JAKMIP1: variants seen among roughly 807,000 people sequenced by gnomAD.
The protein encoded by JAKMIP1 is janus kinase and microtubule-interacting protein 1.
In JAKMIP1, 33 loss-of-function variants were observed where a neutral mutation model predicts 113.0. The ratio of observed to expected loss-of-function variants is 0.29; its 90% CI spans 0.22 to 0.39. JAKMIP1 has a LOEUF of 0.39. Among genes scored for constraint, JAKMIP1 ranks in the 10% least tolerant of loss-of-function variants. The probability of loss-of-function intolerance (pLI) is 1.00; values close to 1 mark genes in which losing one functional copy is unlikely to be tolerated. For synonymous variants in JAKMIP1, 480 were observed against 459.9 expected (o/e 1.04, Z -0.56); for missense variants, 813 against 1,080.5 (o/e 0.75, Z 3.47).
At chr4:6,103,972 G>T (rs1016786039) in intron 3 of JAKMIP1, among the ~76,000 whole-genome samples, 10 of 152,018 alleles carry the variant, frequency 6.6e-5, no homozygotes, top group African/African-American at 2.4e-4. Context: ...ACTGCTTCTT[G>T]CTCTTTAAAA....
intron 1 of JAKMIP1, among the ~76,000 whole-genome samples, chr4:6,170,997 C>T (rs2109022485): frequency 7.0e-6 from 1 of 143,156 alleles, no homozygotes; most frequent in East Asian, 2.0e-4. Flanking sequence ...CATTGCCACC[C>T]TTACCACCAC....
chr4:6,041,254 T>C (rs1277079711), intron 17 of JAKMIP1, among the ~76,000 whole-genome samples: 1 of 152,198 alleles, frequency 6.6e-6, no homozygotes, highest in Non-Finnish European at 1.5e-5. Flanking sequence ...GTTTCAGGGT[T>C]AGAATTCATC....
chr4:6,044,998 G>C lies in JAKMIP1; in HGVS notation c.2029-2771C>G, dbSNP rs1335958556. On this transcript the variant is annotated intron_variant, in intron 16 of 20. Transcript: ENST00000409021. This position sits in a 1 kb window ranked among gnomAD's most constrained non-coding sequence, Gnocchi z 4.4. ...TGCTGATGAACTGAGCAGCCTCATG[G>C]GGGCAGCATGCTGCAGGGTGGGGGC... 6.6e-6 allele frequency among the ~76,000 whole-genome samples: 1 copy of C among 152,232 alleles called. No homozygotes were observed. The highest frequency in any genetic ancestry group is 1.5e-5 in the Non-Finnish European group (1 of 68,036).
At chr4:6,119,375 C>A (rs1716359227) in intron 1 of JAKMIP1, among the ~76,000 whole-genome samples, 1 of 152,136 alleles carries the variant, frequency 6.6e-6, no homozygotes, top group Non-Finnish European at 1.5e-5. Flanking sequence ...AGAAACCCCC[C>A]TCTCGGCTAA....
chr4:6,103,883 C>A (rs1480804868), intron 3 of JAKMIP1, among the ~76,000 whole-genome samples: 1 of 152,120 alleles, frequency 6.6e-6, no homozygotes, highest in Non-Finnish European at 1.5e-5. Flanking sequence ...TTTGCTTTAT[C>A]AATATTGCTA....
intron 1 of JAKMIP1, among the ~76,000 whole-genome samples, chr4:6,172,570 G>A (rs1724860527): frequency 6.6e-6 from 1 of 152,082 alleles, no homozygotes; most frequent in African/African-American, 2.4e-5. Context: ...CATCTCATCT[G>A]CCCCACCCAC....
Position 6,116,708 on chromosome 4 carries a change from T to C in JAKMIP1, c.-147-3711A>G, listed in dbSNP as rs182313886. Among the ~76,000 whole-genome samples, 712 of 152,240 alleles carry C rather than the reference T, an allele frequency of 4.7e-3. 1 individual carries two copies. Among genetic ancestry groups the C allele is most frequent in the African/African-American group, 0.016 (670 of 41,546 alleles). On this transcript the variant is annotated intron_variant, in intron 1 of 20. Coordinates refer to ENST00000409021, the MANE Select transcript of JAKMIP1 (RefSeq NM_001099433.2). The surrounding 1 kb of genome is among the most constrained non-coding windows in gnomAD (Gnocchi z 5.1). ...TGCCCTTTAACTGCCTACAGGAAATTAATATACCGGGCATGCAGGAGGACC... is the reference window on the plus strand; with the variant it reads ...TGCCCTTTAACTGCCTACAGGAAATCAATATACCGGGCATGCAGGAGGACC...
At chr4:6,072,584 A>G (rs556884016) in intron 8 of JAKMIP1, among the ~76,000 whole-genome samples, 1 of 152,328 alleles carries the variant, frequency 6.6e-6, no homozygotes, top group African/African-American at 2.4e-5. Context: ...GTAAACAGAC[A>G]TGAAGTAGCC....
intron 1 of JAKMIP1, among the ~76,000 whole-genome samples, chr4:6,115,167 G>T (rs1383149138): frequency 2.0e-5 from 3 of 152,224 alleles, no homozygotes; most frequent in African/African-American, 7.2e-5. Flanking sequence ...CCAGCACTTT[G>T]GGAGGCCGAG....
intron 5 of JAKMIP1, among the ~76,000 whole-genome samples, chr4:6,083,219 A>C (rs1339378601): frequency 3.9e-5 from 6 of 152,066 alleles, no homozygotes; most frequent in Non-Finnish European, 7.4e-5. Context: ...CCTGGCCAAC[A>C]TGGTGAAACC....
chr4:6,118,245 C>A (rs1051623055), intron 1 of JAKMIP1, among the ~76,000 whole-genome samples: 1 of 152,176 alleles, frequency 6.6e-6, no homozygotes, highest in Non-Finnish European at 1.5e-5. Context: ...TGGCTTCAGC[C>A]GGTCCCTCCG....
chr4:6,030,554 A>T (rs772535633), intron 19 of JAKMIP1, among the ~76,000 whole-genome samples: 3 of 151,954 alleles, frequency 2.0e-5, no homozygotes, highest in Non-Finnish European at 4.4e-5. Flanking sequence ...CCAGATCTTC[A>T]TGTGCTCACA....
At chr4:6,163,054 T>G (rs1445198562) in intron 1 of JAKMIP1, among the ~76,000 whole-genome samples, 1 of 152,210 alleles carries the variant, frequency 6.6e-6, no homozygotes, top group Non-Finnish European at 1.5e-5. Flanking sequence ...AGAAAACAGC[T>G]GTACCCATGA....
intron 12 of JAKMIP1, among the ~76,000 whole-genome samples, chr4:6,056,153 C>T (rs1288605036): frequency 2.0e-5 from 3 of 151,486 alleles, no homozygotes; most frequent in African/African-American, 4.8e-5. Flanking sequence ...CAAGGAAGCT[C>T]TCCCCATCTC....
rs1160673806 is a variant in JAKMIP1 at position 6,089,997 on chromosome 4, G to A, written c.625-4368C>T. The stretch of plus-strand genomic sequence containing the variant: ...AGCACTTTGGGAGGCCGAGGCAGGC[G>A]AATCACCTGGGGTCAGGAGTCTGAG... On this transcript the variant is annotated intron_variant, in intron 3 of 20. Transcript: ENST00000409021. This position sits in a 1 kb window ranked among gnomAD's most constrained non-coding sequence, Gnocchi z 5.3. 6.6e-6 allele frequency among the ~76,000 whole-genome samples: 1 copy of A among 152,142 alleles called. No individual in the cohort carries two copies. The highest frequency in any genetic ancestry group is 2.1e-4 in the South Asian group (1 of 4,818).
At position 6,168,610 on chromosome 4, in the gene JAKMIP1, G is replaced by T. The variant is rs566942481; in HGVS notation, c.-148+31643C>A. 6.6e-6 allele frequency among the ~76,000 whole-genome samples: 1 copy of T among 152,150 alleles called. No individual in the cohort carries two copies. Among genetic ancestry groups the T allele is most frequent in the African/African-American group, 2.4e-5 (1 of 41,434 alleles). On this transcript the variant is annotated intron_variant, in intron 1 of 20. Transcript: ENST00000409021. This position sits in a 1 kb window ranked among gnomAD's most constrained non-coding sequence, Gnocchi z 4.6. Reference sequence around the variant, plus strand: ...TAGAATAGGGAAATCCATAGGGATGGCCAGGCACGGTGGCTCACACCTGTA... The same window carrying T: ...TAGAATAGGGAAATCCATAGGGATGTCCAGGCACGGTGGCTCACACCTGTA...
rs377481800 is a variant in JAKMIP1 at position 6,070,472 on chromosome 4, C to T, written c.1303-5464G>A. Among the ~76,000 whole-genome samples, 19 of 152,354 alleles carry T rather than the reference C, an allele frequency of 1.2e-4. 1 individual carries two copies. The highest frequency in any genetic ancestry group is 3.6e-4 in the African/African-American group (15 of 41,588). On this transcript the variant is annotated intron_variant, in intron 8 of 20. Transcript: ENST00000409021. Reference sequence around the variant, plus strand: ...GGCTGAAGGGAGAGGTTTCCAGGGGCGGGATAGGGTGCCTTCGTCACAGAG... The same window carrying T: ...GGCTGAAGGGAGAGGTTTCCAGGGGTGGGATAGGGTGCCTTCGTCACAGAG...
rs1001270560 is a variant in JAKMIP1, at chr4:6,142,394, G to A, written c.-147-29397C>T. 9.2e-5 allele frequency among the ~76,000 whole-genome samples: 14 copies of A among 152,170 alleles called. No homozygotes were observed. Among genetic ancestry groups the A allele is most frequent in the Admixed American group, 2.6e-4 (4 of 15,278 alleles). On this transcript the variant is annotated intron_variant, in intron 1 of 20. Coordinates refer to ENST00000409021, the MANE Select transcript of JAKMIP1 (RefSeq NM_001099433.2). The surrounding 1 kb of genome is among the most constrained non-coding windows in gnomAD (Gnocchi z 5.5). Reference sequence around the variant, plus strand: ...CAGTTTCTCGTGTTCTGTCCTTCCCGAGTCCAGTGTTTTTTAAACGACTGG... The same window carrying A: ...CAGTTTCTCGTGTTCTGTCCTTCCCAAGTCCAGTGTTTTTTAAACGACTGG...
In JAKMIP1 at chr4:6,150,061, A is replaced by C. The variant is rs1156400242; in HGVS notation, c.-147-37064T>G. Among the ~76,000 whole-genome samples, 1 of 152,156 alleles carries C rather than the reference A, an allele frequency of 6.6e-6. No homozygotes were observed. Among genetic ancestry groups the C allele is most frequent in the Non-Finnish European group, 1.5e-5 (1 of 68,034 alleles). On this transcript the variant is annotated intron_variant, in intron 1 of 20. Coordinates refer to ENST00000409021, the MANE Select transcript of JAKMIP1 (RefSeq NM_001099433.2). The surrounding 1 kb of genome is among the most constrained non-coding windows in gnomAD (Gnocchi z 4.8). ...CAATTACACACTCATTCTTCCAAGAAACACGCCTACAAGTTTGTGGAGCGC... is the reference window on the plus strand; with the variant it reads ...CAATTACACACTCATTCTTCCAAGACACACGCCTACAAGTTTGTGGAGCGC...
Sources: gnomAD v4.1 joint callset for allele counts (sites outside exome capture counted in the v4.1 genomes callset) on GRCh38, gnomAD v4.1.1 for gene constraint, Gnocchi (gnomAD v3.1) non-coding constraint, MANE v1.5 for transcripts, NCBI Gene and HGNC (gene_info 2026-07-23, HGNC 2026-07-21) for gene names.